WHAMM: variants seen among roughly 807,000 people sequenced by gnomAD.
WHAMM encodes the protein WASP homolog associated with actin, golgi membranes and microtubules, also known as WASP homolog-associated protein with actin, membranes and microtubules.
WHAMM carries 67 observed loss-of-function variants against 76.5 expected under a neutral mutation model. The ratio of observed to expected loss-of-function variants is 0.88; its 90% CI spans 0.72 to 1.07. The LOEUF (loss-of-function observed/expected upper bound fraction) is 1.07. Ranked by LOEUF, WHAMM falls within the 50% of genes least tolerant of loss-of-function variation. The pLI is 0.00. For missense variants in WHAMM, 1,021 were observed against 1,051.1 expected, an observed-to-expected ratio of 0.97 and a Z score of 0.40; for synonymous variants, 419 against 422.1, an observed-to-expected ratio of 0.99 and a Z score of 0.09.
At chr15:82,810,768 G>A in intron 1 of WHAMM, 1 of 985,276 alleles carries the variant, frequency 1.0e-6, no homozygotes, top group Non-Finnish European at 1.2e-6. Context: ...TTTAGAGGAA[G>A]AAATGGCTTT....
chr15:82,809,681 C>G lies in WHAMM; in HGVS notation c.-46C>G, dbSNP rs1596274100. Reference sequence around the variant, plus strand: ...TCCCGTGACAGGCGGTGCGAGGAGGCCAGGCCCGCGCCCGCCGAGCCCTAG... The same window carrying G: ...TCCCGTGACAGGCGGTGCGAGGAGGGCAGGCCCGCGCCCGCCGAGCCCTAG... On this transcript the variant is annotated 5_prime_UTR_variant, in exon 1 of 10. Coordinates refer to ENST00000286760, the MANE Select transcript of WHAMM (RefSeq NM_001080435.3). 3 of 1,334,438 alleles carry G rather than the reference C, an allele frequency of 2.2e-6. No homozygotes were observed. The highest frequency in any genetic ancestry group is 1.9e-6 in the Non-Finnish European group (2 of 1,031,544). 82.7% of individuals were successfully genotyped at this position (1,334,438 alleles called of 1,614,324 possible). A position where few individuals can be genotyped will look rare whatever the true frequency, so the allele number is the denominator to read the frequency against.
rs1216471987 is a variant in WHAMM, at chr15:82,836,042, A to G, written c.*2506A>G. ...ATTTGCTTTCTAAGGGCTGCCAAAC[A>G]CAAGAGGCCTTTGAAAAAAGGATCC... On this transcript the variant is annotated 3_prime_UTR_variant, in exon 10 of 10. Transcript: ENST00000286760. The G allele has an allele frequency of 6.6e-6, 1 of 152,264 alleles. No homozygotes were observed. The highest frequency in any genetic ancestry group is 2.4e-5 in the African/African-American group (1 of 41,468). 9.4% of individuals were successfully genotyped at this position (152,264 alleles called of 1,614,324 possible).
intron 5 of WHAMM, among the ~76,000 whole-genome samples, chr15:82,819,765 G>A (rs776298232): frequency 5.3e-5 from 8 of 152,334 alleles, no homozygotes; most frequent in South Asian, 4.1e-4. Flanking sequence ...AGGCCGAGGC[G>A]GGCAGATCAC....
chr15:82,825,238 T>C (rs140396885), intron 6 of WHAMM, among the ~76,000 whole-genome samples: 4 of 152,358 alleles, frequency 2.6e-5, no homozygotes, highest in East Asian at 3.9e-4. Context: ...TTTGAAGATA[T>C]ACAGGCATTT....
In WHAMM at chr15:82,809,768, G is replaced by C. The variant is rs765115667; in HGVS notation, c.42G>C (p.Pro14=). The C allele has an allele frequency of 4.3e-5, 68 of 1,588,292 alleles. No homozygotes were observed. In the African/African-American group the frequency reaches 8.8e-4, roughly 21 times the overall value. Residue 14 remains proline, a synonymous_variant, in exon 1 of 10, where the codon CCG becomes CCC. Transcript: ENST00000286760. ...EQPDSLEGWV[P]VREGLFAEPE... is the part of the protein sequence containing the mutation. ...CTGACAGCCTGGAGGGCTGGGTGCCGGTCCGGGAGGGCCTCTTCGCCGAGC... is the reference window on the plus strand; with the variant it reads ...CTGACAGCCTGGAGGGCTGGGTGCCCGTCCGGGAGGGCCTCTTCGCCGAGC...
intron 6 of WHAMM, among the ~76,000 whole-genome samples, chr15:82,824,876 G>A (rs903625600): frequency 5.9e-5 from 9 of 152,264 alleles, no homozygotes; most frequent in Admixed American, 5.2e-4. Flanking sequence ...GAAAAACTTC[G>A]CTAGGTGCCA....
In WHAMM at chr15:82,835,133, G is replaced by GTTT. The variant is rs35205699; in HGVS notation, c.*1606_*1608dup. On this transcript the variant is annotated 3_prime_UTR_variant, in exon 10 of 10. Coordinates refer to ENST00000286760, the MANE Select transcript of WHAMM (RefSeq NM_001080435.3). The stretch of plus-strand genomic sequence containing the variant: ...GAAATCTTCCTACTTCAGTTTTTTT[G>GTTT]TTTTTTTTTTTGAGACAGAGTCTTG... 0.011 allele frequency: 1,642 copies of GTTT among 147,770 alleles called. 27 individuals are homozygous for GTTT. Among genetic ancestry groups the GTTT allele is most frequent in the African/African-American group, 0.032 (1,304 of 40,354 alleles). 9.2% of individuals were successfully genotyped at this position (147,770 alleles called of 1,614,324 possible).
chr15:82,813,347 A>G, intron 2 of WHAMM, 71 bp downstream of exon 2: 1 of 1,252,332 alleles, frequency 8.0e-7, no homozygotes, highest in Non-Finnish European at 1.1e-6. Context: ...ATTTACACTT[A>G]ATGTTCAATC....
intron 8 of WHAMM, among the ~76,000 whole-genome samples, chr15:82,830,202 T>A (rs1225630235): frequency 6.6e-6 from 1 of 151,930 alleles, no homozygotes; most frequent in Non-Finnish European, 1.5e-5. Flanking sequence ...ATGGCTTTTT[T>A]TTTTTTTGGA....
rs1394819241 is a variant in WHAMM, at chr15:82,833,515, C to T, written c.2409C>T (p.Asp803=). The change falls in exon 10 of 10, where the codon GAC becomes GAT. Residue 803 remains aspartate, a synonymous_variant. Transcript: ENST00000286760. ...CTGAGGAGGACAGTGATGAGCAGGACCCTGGCCAGTGGGATGGTTAGGCTC... is the reference window on the plus strand; with the variant it reads ...CTGAGGAGGACAGTGATGAGCAGGATCCTGGCCAGTGGGATGGTTAGGCTC... ...ADSEEDSDEQ[D]PGQWDG is the part of the protein sequence containing the mutation. The T allele has an allele frequency of 6.2e-7, 1 of 1,613,588 alleles. No individual in the cohort carries two copies. Among genetic ancestry groups the T allele is most frequent in the South Asian group, 1.1e-5 (1 of 91,062 alleles).
intron 9 of WHAMM, among the ~76,000 whole-genome samples, 161 bp downstream of exon 9, chr15:82,831,240 T>C (rs1425722687): frequency 6.6e-6 from 1 of 152,334 alleles, no homozygotes; most frequent in East Asian, 1.9e-4. Flanking sequence ...TATTCTTTTA[T>C]TGGAAAGTTA....
chr15:82,816,546 G>A, intron 2 of WHAMM, 146 bp from the exon 3 acceptor site: 10 of 744,972 alleles, frequency 1.3e-5, no homozygotes, highest in Non-Finnish European at 2.1e-5. Flanking sequence ...TTCATACGCA[G>A]TAAGGGACTG....
chr15:82,820,586 G>A (rs946000617), intron 5 of WHAMM, among the ~76,000 whole-genome samples: 1 of 152,022 alleles, frequency 6.6e-6, no homozygotes, highest in Non-Finnish European at 1.5e-5. Flanking sequence ...CCTCTAGATA[G>A]GTTGTACATT....
chr15:82,815,810 G>A (rs1000879808), intron 2 of WHAMM, among the ~76,000 whole-genome samples: 1 of 152,226 alleles, frequency 6.6e-6, no homozygotes, highest in South Asian at 2.1e-4. Context: ...ATTCCTTGTC[G>A]GCTAACTTGT....
At position 82,830,689 on chromosome 15, in the gene WHAMM, C is replaced by T. The variant is rs1566998855; in HGVS notation, c.1732C>T (p.Pro578Ser). The T allele has an allele frequency of 6.2e-7, 1 of 1,613,994 alleles. No individual in the cohort carries two copies. The highest frequency in any genetic ancestry group is 8.5e-7 in the Non-Finnish European group (1 of 1,179,888). Reference protein sequence around the residue: ...PSDLSQQMCLPASHAVSVIHP... With the variant: ...PSDLSQQMCLSASHAVSVIHP... ...TGATCTTTCCCAGCAGATGTGCTTG[C>T]CAGCTTCCCACGCGGTGTCAGTAAT... is the stretch of plus-strand genomic sequence containing the variant. The change falls in exon 9 of 10, where the codon CCA becomes TCA. Residue 578 changes from proline (P) to serine (S), a missense_variant. Physicochemically the swap from Pro to Ser is moderately conservative, Grantham distance 74. Around this residue, in one of 3 missense-constraint regions of WHAMM, gnomAD observed 509 missense variants for 492.3 expected, o/e 1.03. Transcript: ENST00000286760.
At chr15:82,810,658 A>T in intron 1 of WHAMM, 1 of 985,492 alleles carries the variant, frequency 1.0e-6, no homozygotes, top group South Asian at 4.7e-5. Context: ...AAATATTGCA[A>T]GCAAGACTGA....
rs1455289861 is a variant in WHAMM, at chr15:82,809,767, C to G, written c.41C>G (p.Pro14Arg). 6 of 1,585,914 alleles carry G rather than the reference C, an allele frequency of 3.8e-6. No individual in the cohort carries two copies. The South Asian group carries it at 4.6e-5, about 12-fold the overall frequency. Residue 14 changes from proline to arginine, a missense_variant, in exon 1 of 10, where the codon CCG (proline) becomes CGG (arginine). Around this residue, in one of 3 missense-constraint regions of WHAMM, gnomAD observed 501 missense variants for 524.9 expected, o/e 0.95. Coordinates refer to ENST00000286760, the MANE Select transcript of WHAMM (RefSeq NM_001080435.3). ...EQPDSLEGWV[P>R]VREGLFAEPE... The stretch of plus-strand genomic sequence containing the variant: ...CCTGACAGCCTGGAGGGCTGGGTGC[C>G]GGTCCGGGAGGGCCTCTTCGCCGAG...
At chr15:82,826,987 A>G (rs1200211185) in intron 8 of WHAMM, 141 bp downstream of exon 8, 2 of 1,003,974 alleles carry the variant, frequency 2.0e-6, no homozygotes, top group Non-Finnish European at 2.8e-6. Flanking sequence ...TTTCTGGTAT[A>G]TCAATAAAAA....
Position 82,810,162 on chromosome 15 carries a change from T to C in WHAMM, c.436T>C (p.Cys146Arg), listed in dbSNP as rs1326961430. The part of the protein sequence containing the change: ...GPGEAALQEL[C>R]GQLERYLGAA... Reference sequence around the variant, plus strand: ...CGGCGAGGCGGCGCTGCAGGAGCTGTGCGGGCAGCTGGAACGCTATCTGGG... The same window carrying C: ...CGGCGAGGCGGCGCTGCAGGAGCTGCGCGGGCAGCTGGAACGCTATCTGGG... Residue 146 changes from cysteine to arginine, a missense_variant, in exon 1 of 10, where the codon TGC becomes CGC. Physicochemically the swap from Cys to Arg is radical, Grantham distance 180 (BLOSUM62 -3). This residue lies in a region of WHAMM where 501 missense variants were observed against 524.9 expected (regional missense o/e 0.95). Transcript: ENST00000286760. 5.0e-6 allele frequency: 7 copies of C among 1,396,812 alleles called. No individual in the cohort carries two copies. The East Asian group carries it at 2.3e-4, about 47-fold the overall frequency. 86.5% of individuals were successfully genotyped at this position (1,396,812 alleles called of 1,614,324 possible). A position where few individuals can be genotyped will look rare whatever the true frequency, so the allele number is the denominator to read the frequency against.
Sources: allele counts gnomAD v4.1 joint callset (sites outside exome capture counted in the v4.1 genomes callset), GRCh38; gene constraint gnomAD v4.1.1; regional missense constraint gnomAD v4.1.1; transcripts MANE v1.5; gene names NCBI Gene and HGNC (gene_info 2026-07-23, HGNC 2026-07-21).